The following STXBP6 variants were observed in gnomAD, a reference collection of about 807,000 sequenced individuals.
STXBP6 encodes the protein syntaxin-binding protein 6.
A neutral mutation model predicts 26.9 loss-of-function variants in STXBP6; 21 were observed. The observed-to-expected ratio is 0.78, with a 90% CI of 0.55 to 1.12. The LOEUF (loss-of-function observed/expected upper bound fraction) is 1.12. Ranked by LOEUF, STXBP6 falls within the 50% of genes most tolerant of loss-of-function variation. The probability of loss-of-function intolerance (pLI) is 0.00; values close to 1 mark genes in which losing one functional copy is unlikely to be tolerated. For missense variants in STXBP6, 232 were observed against 257.9 expected (o/e 0.90, Z 0.69); for synonymous variants, 97 against 92.6 (o/e 1.05, Z -0.27).
At chr14:25,016,374 C>T (rs2075147634) in intron 1 of STXBP6, among the ~76,000 whole-genome samples, 2 of 151,948 alleles carry the variant, frequency 1.3e-5, no homozygotes, top group South Asian at 4.2e-4. Context: ...TTGTGCTAAT[C>T]AGAAATGGTA....
rs2073872262 is a variant in STXBP6, at chr14:24,970,427, A to G, written c.154+4238T>C. ...AGGCCCCTTCTCAGTCAATCCTGCC[A>G]CTACATCTTACTTTTGTCTGTTCTA... On this transcript the variant is annotated intron_variant, in intron 2 of 5. Coordinates refer to ENST00000323944, the MANE Select transcript of STXBP6 (RefSeq NM_001394410.1). 2.0e-5 allele frequency among the ~76,000 whole-genome samples: 3 copies of G among 152,178 alleles called. No individual in the cohort carries two copies. In the South Asian group the frequency reaches 6.2e-4, roughly 31 times the overall value.
intron 2 of STXBP6, among the ~76,000 whole-genome samples, chr14:24,924,550 C>T (rs1041879836): frequency 8.5e-5 from 13 of 152,128 alleles, no homozygotes; most frequent in African/African-American, 2.9e-4. Context: ...TAGCAAGGGT[C>T]ATGATCCAGC....
At chr14:24,950,335 T>C (rs2073121039) in intron 2 of STXBP6, among the ~76,000 whole-genome samples, 1 of 152,164 alleles carries the variant, frequency 6.6e-6, no homozygotes. Flanking sequence ...TCCTGGTATA[T>C]ACCCAACAGA....
At position 24,976,956 on chromosome 14, in the gene STXBP6, C is replaced by T. The variant is rs116443856; in HGVS notation, c.-32-2106G>A. 7.1e-3 allele frequency among the ~76,000 whole-genome samples: 1,039 copies of T among 146,850 alleles called. 11 individuals carry two copies. Among genetic ancestry groups the T allele is most frequent in the African/African-American group, 0.025 (975 of 39,420 alleles). The stretch of plus-strand genomic sequence containing the variant: ...TGACTCACTGCAACCTCCACTTCTC[C>T]GGTTCAATCGATTCTACTGCCTCAG... On this transcript the variant is annotated intron_variant, in intron 1 of 5. Transcript: ENST00000323944.
chr14:25,027,656 T>G (rs1374949617), intron 1 of STXBP6, among the ~76,000 whole-genome samples: 1 of 152,200 alleles, frequency 6.6e-6, no homozygotes, highest in Non-Finnish European at 1.5e-5. Flanking sequence ...AGGAAGATTC[T>G]CATGTCTCTC....
chr14:24,944,574 A>T (rs1262214000), intron 2 of STXBP6, among the ~76,000 whole-genome samples: 1 of 152,086 alleles, frequency 6.6e-6, no homozygotes, highest in Non-Finnish European at 1.5e-5. Flanking sequence ...GAGATGCTGG[A>T]ATTAGAAGGG....
At chr14:24,903,181 T>C (rs1381785691) in intron 2 of STXBP6, among the ~76,000 whole-genome samples, 1 of 152,160 alleles carries the variant, frequency 6.6e-6, no homozygotes, top group Non-Finnish European at 1.5e-5. Context: ...AATTTCTGGA[T>C]TTGTTAGAGC....
At chr14:24,967,468 A>G (rs2073770963) in intron 2 of STXBP6, among the ~76,000 whole-genome samples, 1 of 152,216 alleles carries the variant, frequency 6.6e-6, no homozygotes, top group Non-Finnish European at 1.5e-5. Context: ...CATGTAACCA[A>G]TGGCTATTGT....
intron 1 of STXBP6, among the ~76,000 whole-genome samples, chr14:25,005,330 A>G (rs763685296): frequency 6.6e-6 from 1 of 152,328 alleles, no homozygotes. Context: ...ACCATATTCA[A>G]AATGAAATAA....
At chr14:24,882,341 T>C (rs1027012962) in intron 2 of STXBP6, among the ~76,000 whole-genome samples, 3 of 110,230 alleles carry the variant, frequency 2.7e-5, no homozygotes, top group East Asian at 3.0e-4. Flanking sequence ...ATCCCGCCAC[T>C]GCACTCCAGC....
chr14:24,957,435 C>G (rs2073380171), intron 2 of STXBP6, among the ~76,000 whole-genome samples: 2 of 152,212 alleles, frequency 1.3e-5, no homozygotes, highest in African/African-American at 2.4e-5. Context: ...ACTAGAAACT[C>G]TCTTCTGCCC....
intron 1 of STXBP6, among the ~76,000 whole-genome samples, chr14:24,977,569 G>A (rs1430152965): frequency 2.0e-5 from 3 of 152,040 alleles, no homozygotes. Flanking sequence ...CAGACCCTTA[G>A]TTTATTAACT....
intron 1 of STXBP6, among the ~76,000 whole-genome samples, chr14:24,975,088 T>C (rs2074010723): frequency 6.6e-6 from 1 of 152,102 alleles, no homozygotes; most frequent in African/African-American, 2.4e-5. Flanking sequence ...TCAAACACAA[T>C]ATGAGATGAG....
chr14:24,847,450 T>A (rs1438548829), intron 4 of STXBP6, among the ~76,000 whole-genome samples: 1 of 152,212 alleles, frequency 6.6e-6, no homozygotes, highest in Admixed American at 6.5e-5. Flanking sequence ...TTTATGAAAT[T>A]ATGATGACAG....
chr14:24,890,669 C>T (rs1470932137), intron 2 of STXBP6, among the ~76,000 whole-genome samples: 1 of 152,140 alleles, frequency 6.6e-6, no homozygotes, highest in Non-Finnish European at 1.5e-5. Flanking sequence ...AGGAAATTAG[C>T]GTCCTTTTGG....
chr14:25,029,752 A>T lies in STXBP6; in HGVS notation c.-33+20126T>A, dbSNP rs866859459. 2.4e-4 allele frequency among the ~76,000 whole-genome samples: 37 copies of T among 152,302 alleles called. No homozygotes were observed. The Middle Eastern group carries it at 0.014, about 56-fold the overall frequency. On this transcript the variant is annotated intron_variant, in intron 1 of 5. Transcript: ENST00000323944. ...GGTGCTTTCCCTCCTGAAAAGACTT[A>T]CCACATAATTAGGAAGAGGAAAAAG...
At chr14:24,968,082 T>C (rs910020510) in intron 2 of STXBP6, among the ~76,000 whole-genome samples, 1 of 151,720 alleles carries the variant, frequency 6.6e-6, no homozygotes, top group African/African-American at 2.4e-5. Context: ...TTAAATAATA[T>C]AATATGCATA....
At chr14:24,897,247 A>G (rs35242483) in intron 2 of STXBP6, among the ~76,000 whole-genome samples, 3,096 of 151,886 alleles carry the variant, frequency 0.02, 45 homozygotes, top group Non-Finnish European at 0.031. Context: ...TGTCTCTACT[A>G]AAAATACATA....
chr14:25,007,922 C>A (rs191059287), intron 1 of STXBP6, among the ~76,000 whole-genome samples: 1 of 152,178 alleles, frequency 6.6e-6, no homozygotes, highest in Non-Finnish European at 1.5e-5. Flanking sequence ...AATGGACAAT[C>A]TCCAGGACTG....
Sources: gnomAD v4.1 joint callset for allele counts (sites outside exome capture counted in the v4.1 genomes callset) on GRCh38, gnomAD v4.1.1 for gene constraint, MANE v1.5 for transcripts, NCBI Gene and HGNC (gene_info 2026-07-23, HGNC 2026-07-21) for gene names.